Variants in AMD1 observed in about 807,000 individuals in gnomAD.
AMD1 encodes the protein adenosylmethionine decarboxylase 1.
A neutral mutation model predicts 40.2 loss-of-function variants in AMD1; 11 were observed. The observed-to-expected ratio is 0.27, with a 90% confidence interval of 0.17 to 0.45. AMD1 has a LOEUF of 0.45. AMD1 is among the 20% of genes least tolerant of loss of function. The probability of loss-of-function intolerance (pLI) is 1.00; values close to 1 mark genes in which losing one functional copy is unlikely to be tolerated. For synonymous variants in AMD1, 121 were observed against 130.8 expected (o/e 0.93, Z 0.51); for missense variants, 257 against 410.2 (o/e 0.63, Z 3.23).
chr6:110,885,112 C>T (rs1302995848), intron 1 of AMD1, among the ~76,000 whole-genome samples: 3 of 152,074 alleles, frequency 2.0e-5, no homozygotes, highest in Admixed American at 6.6e-5. Flanking sequence ...TTCATTCCCA[C>T]GAGTAGTTTG....
the AMD1 span, chr6:110,858,317 G>A: frequency 1.2e-6 from 1 of 833,162 alleles, no homozygotes; most frequent in Non-Finnish European, 2.1e-6. Context: ...GTGCAAATAT[G>A]ACCCCCAGAA....
At chr6:110,865,503 C>G in the AMD1 span, among the ~76,000 whole-genome samples, 1 of 151,774 alleles carries the variant, frequency 6.6e-6, no homozygotes, top group Non-Finnish European at 1.5e-5. Flanking sequence ...AAGCAATTCT[C>G]CTGCCTCAGC....
At chr6:110,842,819 T>A in the AMD1 span, among the ~76,000 whole-genome samples, 1 of 152,044 alleles carries the variant, frequency 6.6e-6, no homozygotes, top group African/African-American at 2.4e-5. Flanking sequence ...CCCACAGATA[T>A]TGAACCAAAA....
chr6:110,889,093 G>A, intron 3 of AMD1, 110 bp downstream of exon 3: 2 of 1,326,848 alleles, frequency 1.5e-6, no homozygotes, highest in South Asian at 3.0e-5. Context: ...TACAATGCAT[G>A]CAAACACGTG....
chr6:110,882,556 C>A (rs2115287456), intron 1 of AMD1, among the ~76,000 whole-genome samples: 1 of 152,272 alleles, frequency 6.6e-6, no homozygotes, highest in African/African-American at 2.4e-5. Flanking sequence ...GAGTTTTTCA[C>A]CTCTTTTATG....
the AMD1 span, among the ~76,000 whole-genome samples, chr6:110,845,379 C>T: frequency 1.3e-5 from 2 of 152,040 alleles, no homozygotes; most frequent in Non-Finnish European, 2.9e-5. Context: ...TTGCCTATCA[C>T]TAAGGGAATG....
chr6:110,824,212 A>G, the AMD1 span, among the ~76,000 whole-genome samples: 1 of 152,226 alleles, frequency 6.6e-6, no homozygotes, highest in Non-Finnish European at 1.5e-5. Flanking sequence ...AAAAGGTGGT[A>G]TATATACGCC....
chr6:110,858,727 G>GT, the AMD1 span: 6 of 784,610 alleles, frequency 7.6e-6, no homozygotes, highest in Non-Finnish European at 1.4e-5. Context: ...AGGCTGGCCA[G>GT]TGCACCATCG....
At position 110,892,459 on chromosome 6, in the gene AMD1, A is replaced by T. The variant is rs557258291; in HGVS notation, c.615+16A>T. 2.5e-6 allele frequency: 4 copies of T among 1,611,242 alleles called. No individual in the cohort carries two copies. In the South Asian group the frequency reaches 4.4e-5, roughly 18 times the overall value. ...TGTCACTCGTGTAAGCATTTTTAGT[A>T]ATAATTGTTGCTGGACTCTTCTGCG... On this transcript the variant is annotated intron_variant, in intron 6 of 8. Transcript: ENST00000368885.
At chr6:110,846,076 C>T in the AMD1 span, among the ~76,000 whole-genome samples, 3 of 152,098 alleles carry the variant, frequency 2.0e-5, no homozygotes, top group African/African-American at 7.2e-5. Context: ...CCCGTCTCTA[C>T]TAAAAATACA....
intron 1 of AMD1, among the ~76,000 whole-genome samples, chr6:110,876,565 G>T (rs1241074971): frequency 6.6e-6 from 1 of 152,038 alleles, no homozygotes; most frequent in Non-Finnish European, 1.5e-5. Context: ...TATCTTGAAC[G>T]ATTCCATTGT....
At chr6:110,840,013 C>CTTTTTT in the AMD1 span, among the ~76,000 whole-genome samples, 14 of 92,854 alleles carry the variant, frequency 1.5e-4, no homozygotes, top group South Asian at 4.3e-4. Flanking sequence ...GATTCTCTCT[C>CTTTTTT]TTTTTTTTTT....
chr6:110,848,003 C>T, the AMD1 span, among the ~76,000 whole-genome samples: 10 of 151,714 alleles, frequency 6.6e-5, no homozygotes, highest in African/African-American at 1.5e-4. Context: ...CATGAGCCAC[C>T]GCACCCGGCC....
At chr6:110,837,871 T>A in the AMD1 span, among the ~76,000 whole-genome samples, 1 of 146,998 alleles carries the variant, frequency 6.8e-6, no homozygotes, top group Non-Finnish European at 1.5e-5. Context: ...AAGACCAGCC[T>A]GACCAACAAG....
chr6:110,870,006 C>T (rs2115259828), upstream of AMD1, among the ~76,000 whole-genome samples: 1 of 152,320 alleles, frequency 6.6e-6, no homozygotes, highest in African/African-American at 2.4e-5. Context: ...CCGCCTCAGC[C>T]TCCCAAAGGG....
At chr6:110,883,388 G>A (rs1453734821) in intron 1 of AMD1, among the ~76,000 whole-genome samples, 1 of 152,156 alleles carries the variant, frequency 6.6e-6, no homozygotes, top group East Asian at 1.9e-4. Flanking sequence ...GAACTGAAAA[G>A]TAGGGGCAGG....
chr6:110,857,944 TC>T, the AMD1 span, among the ~76,000 whole-genome samples: 1 of 151,710 alleles, frequency 6.6e-6, no homozygotes, highest in African/African-American at 2.4e-5. Context: ...AAGCTGTCCT[TC>T]CCCCTCAGCT....
chr6:110,888,559 G>A, intron 2 of AMD1: 1 of 169,068 alleles, frequency 5.9e-6, no homozygotes, highest in Non-Finnish European at 1.3e-5. Flanking sequence ...ATCCACCTCG[G>A]CCGCCTAAAG....
the AMD1 span, among the ~76,000 whole-genome samples, chr6:110,826,673 CCTTTT>C: frequency 1.2e-4 from 18 of 150,368 alleles, no homozygotes; most frequent in Non-Finnish European, 2.5e-4. Flanking sequence ...AACAAACTTC[CCTTTT>C]CTTTTCTTTC....
Sources: gnomAD v4.1 joint callset for allele counts (sites outside exome capture counted in the v4.1 genomes callset) on GRCh38, gnomAD v4.1.1 for gene constraint, MANE v1.5 for transcripts, NCBI Gene and HGNC (gene_info 2026-07-23, HGNC 2026-07-21) for gene names.